TNN: variants seen among roughly 807,000 people sequenced by gnomAD.
TNN encodes tenascin-N.
TNN carries 122 observed loss-of-function variants against 134.4 expected under a neutral mutation model. That is an observed-to-expected ratio of 0.91 (90% CI 0.78 to 1.06). The LOEUF (loss-of-function observed/expected upper bound fraction) is 1.06. TNN is among the 50% of genes least tolerant of loss of function. TNN has a pLI of 0.00. For synonymous variants in TNN, 710 were observed against 670.3 expected, an observed-to-expected ratio of 1.06 and a Z score of -0.91; for missense variants, 1,739 against 1,699.4, an observed-to-expected ratio of 1.02 and a Z score of -0.41.
intron 9 of TNN, among the ~76,000 whole-genome samples, chr1:175,112,783 A>G (rs1372323598): frequency 1.3e-5 from 2 of 149,964 alleles, no homozygotes; most frequent in East Asian, 3.9e-4. Context: ...ATGTCTGGCT[A>G]ATTTTTTTTT....
intron 11 of TNN, among the ~76,000 whole-genome samples, chr1:175,120,012 A>T (rs1233942672): frequency 6.6e-6 from 1 of 152,234 alleles, no homozygotes; most frequent in Non-Finnish European, 1.5e-5. Context: ...GAAATAATGT[A>T]AAACCAATAT....
At chr1:175,131,496 C>T (rs539919687) in intron 15 of TNN, among the ~76,000 whole-genome samples, 1 of 152,166 alleles carries the variant, frequency 6.6e-6, no homozygotes, top group South Asian at 2.1e-4. Context: ...CCAAATAGTT[C>T]ATTATAGGGT....
chr1:175,092,248 AG>A (rs1674468733), intron 6 of TNN, among the ~76,000 whole-genome samples: 1 of 152,098 alleles, frequency 6.6e-6, no homozygotes, highest in Admixed American at 6.6e-5. Flanking sequence ...CAGGATGGGG[AG>A]AGAGTTCTCT....
chr1:175,144,672 A>C, intron 18 of TNN, 122 bp downstream of exon 18: 2 of 1,090,400 alleles, frequency 1.8e-6, no homozygotes, highest in Non-Finnish European at 2.6e-6. Context: ...AAAGCAGTAG[A>C]GCTTCTCCTC....
chr1:175,094,249 CA>C lies in TNN; in HGVS notation c.1585del (p.Thr529GlnfsTer10), dbSNP rs1482386818. On this transcript the variant is annotated frameshift_variant, in exon 7 of 19. Coordinates refer to ENST00000239462, the MANE Select transcript of TNN (RefSeq NM_022093.2). LOFTEE classifies it high-confidence loss of function. Reference sequence around the variant, plus strand: ...GCAAGAAAGCTGACACCAATGCCCTCACAGGTAACAGAAGGACGGGAGCATA... The same window carrying C: ...GCAAGAAAGCTGACACCAATGCCCTCCAGGTAACAGAAGGACGGGAGCATA... ...GSKKADTNAL[T>X]EIDSPANLVT... is the part of the protein sequence containing the mutation. The C allele has an allele frequency of 3.2e-6, 5 of 1,586,750 alleles. No individual in the cohort carries two copies. In the South Asian group the frequency reaches 5.7e-5, roughly 18 times the overall value.
At chr1:175,113,970 C>T (rs1305726956) in intron 9 of TNN, among the ~76,000 whole-genome samples, 3 of 152,082 alleles carry the variant, frequency 2.0e-5, no homozygotes, top group Non-Finnish European at 4.4e-5. Flanking sequence ...CTGATTTCAT[C>T]AAATAGTCTA....
In TNN at chr1:175,077,498, C is replaced by T. The variant is rs1398690138; in HGVS notation, c.80C>T (p.Thr27Ile). Reference protein sequence around the residue: ...SVLLVASAPATLEPPGCSNKE... With the variant: ...SVLLVASAPAILEPPGCSNKE... The stretch of plus-strand genomic sequence containing the variant: ...CTCCTGGTGGCTTCGGCCCCAGCCA[C>T]TCTGGAGCCTCCCGGCTGCAGCAAC... The change falls in exon 2 of 19, where the codon ACT becomes ATT. Residue 27 changes from threonine (T) to isoleucine (I), a missense_variant. Transcript: ENST00000239462. 5.0e-6 allele frequency: 8 copies of T among 1,614,010 alleles called. No homozygotes were observed. Among genetic ancestry groups the T allele is most frequent in the Non-Finnish European group, 6.8e-6 (8 of 1,180,032 alleles).
At chr1:175,109,995 C>T (rs1674980038) in intron 9 of TNN, among the ~76,000 whole-genome samples, 1 of 152,152 alleles carries the variant, frequency 6.6e-6, no homozygotes, top group Non-Finnish European at 1.5e-5. Flanking sequence ...ATTCCCCTTT[C>T]TCCACATCCT....
intron 12 of TNN, among the ~76,000 whole-genome samples, chr1:175,124,201 G>A (rs907387519): frequency 8.5e-5 from 13 of 152,174 alleles, no homozygotes; most frequent in African/African-American, 2.7e-4. Flanking sequence ...CTGGCAGTAC[G>A]GGCAAGGTCT....
In TNN at chr1:175,117,090, G is replaced by A. The variant is rs1675204018; in HGVS notation, c.2271G>A (p.Lys757=). 3 of 1,614,270 alleles carry A rather than the reference G, an allele frequency of 1.9e-6. No individual in the cohort carries two copies. Among genetic ancestry groups the A allele is most frequent in the Non-Finnish European group, 2.5e-6 (3 of 1,180,054 alleles). Residue 757 remains lysine, a synonymous_variant, in exon 10 of 19, where the codon AAG becomes AAA. Coordinates refer to ENST00000239462, the MANE Select transcript of TNN (RefSeq NM_022093.2). ...DGETREVPVG[K]EQSSTVLTGL... ...AGACCAGGGAGGTTCCGGTGGGGAA[G>A]GAGCAGAGTAGCACTGTCCTGACGG...
chr1:175,132,853 G>A (rs2101848284), intron 15 of TNN, among the ~76,000 whole-genome samples: 1 of 152,382 alleles, frequency 6.6e-6, no homozygotes, highest in Admixed American at 6.5e-5. Flanking sequence ...GCACTCCCAT[G>A]TGGAGCTTTC....
intron 9 of TNN, among the ~76,000 whole-genome samples, chr1:175,108,639 G>A (rs545503193): frequency 4.5e-4 from 69 of 152,358 alleles, no homozygotes; most frequent in Admixed American, 7.8e-4. Flanking sequence ...GAAATCGAGC[G>A]TAGCGCCGGT....
chr1:175,119,629 C>CTTTT (rs757564360), intron 11 of TNN, among the ~76,000 whole-genome samples: 2,453 of 132,744 alleles, frequency 0.018, 123 homozygotes, highest in East Asian at 0.065. Context: ...CCATGAATGC[C>CTTTT]TTTTTTTTCT....
At position 175,077,454 on chromosome 1, in the gene TNN, G is replaced by A. The variant is rs1674068334; in HGVS notation, c.36G>A (p.Gly12=). The change falls in exon 2 of 19, where the codon GGG becomes GGA. Residue 12 remains glycine (G), a synonymous_variant. Transcript: ENST00000239462. ...AGGAGATGTTCCGCTTCCCTATGGG[G>A]CTCCTGCTTGGCTCTGTGCTCCTGG... ...SLQEMFRFPM[G]LLLGSVLLVA... 25 of 1,613,836 alleles carry A rather than the reference G, an allele frequency of 1.5e-5. No homozygotes were observed. Among genetic ancestry groups the A allele is most frequent in the Non-Finnish European group, 2.1e-5 (25 of 1,179,998 alleles).
At chr1:175,106,153 C>T (rs898093348) in intron 9 of TNN, among the ~76,000 whole-genome samples, 3 of 145,392 alleles carry the variant, frequency 2.1e-5, no homozygotes, top group Admixed American at 6.9e-5. Flanking sequence ...CCCTTACTGA[C>T]GCATTCTCAA....
chr1:175,071,696 C>T (rs1434030759), intron 1 of TNN, among the ~76,000 whole-genome samples: 1 of 152,206 alleles, frequency 6.6e-6, no homozygotes, highest in Non-Finnish European at 1.5e-5. Context: ...TGTGTGATCC[C>T]AGCTCTGCTG....
intron 9 of TNN, among the ~76,000 whole-genome samples, chr1:175,112,097 TC>T (rs1174869136): frequency 6.6e-6 from 1 of 152,220 alleles, no homozygotes; most frequent in African/African-American, 2.4e-5. Flanking sequence ...TTTCAGTTTT[TC>T]CCCAATCAGT....
Position 175,100,643 on chromosome 1 carries a change from C to T in TNN, c.2119+2048C>T, listed in dbSNP as rs186488164. Among the ~76,000 whole-genome samples the T allele has an allele frequency of 3.2e-4, 48 of 152,088 alleles. No homozygotes were observed. The Middle Eastern group carries it at 0.017, about 54-fold the overall frequency. On this transcript the variant is annotated intron_variant, in intron 9 of 18. Transcript: ENST00000239462. The stretch of plus-strand genomic sequence containing the variant: ...CAACATGTGTAATAGGACGTATGAG[C>T]AAGTGACTTTGGGAAAACGGCTTTT...
intron 6 of TNN, among the ~76,000 whole-genome samples, chr1:175,088,131 T>G (rs1241046162): frequency 6.6e-6 from 1 of 152,182 alleles, no homozygotes; most frequent in Admixed American, 6.5e-5. Flanking sequence ...GATTACATCA[T>G]TGGCCACTGG....
Sources: allele counts gnomAD v4.1 joint callset (sites outside exome capture counted in the v4.1 genomes callset), GRCh38; gene constraint gnomAD v4.1.1; transcripts MANE v1.5; gene names NCBI Gene and HGNC (gene_info 2026-07-23, HGNC 2026-07-21).